The following TMEM19 variants were observed in gnomAD, a reference collection of about 807,000 sequenced individuals.
TMEM19 encodes transmembrane protein 19.
A neutral mutation model predicts 33.6 loss-of-function variants in TMEM19; 21 were observed. That is an observed-to-expected ratio of 0.62 (90% CI 0.44 to 0.90). The LOEUF (loss-of-function observed/expected upper bound fraction) is 0.90. Among genes scored for constraint, TMEM19 ranks in the 40% least tolerant of loss-of-function variants. TMEM19 has a pLI of 0.00. For missense variants in TMEM19, 402 were observed against 401.8 expected (o/e 1.00, Z 0.00); for synonymous variants, 149 against 147.5 (o/e 1.01, Z -0.07).
At position 71,697,308 on chromosome 12, in the gene TMEM19, C is replaced by T. The variant is rs1366782871; in HGVS notation, c.411C>T (p.Phe137=). 1 of 1,599,808 alleles carries T rather than the reference C, an allele frequency of 6.3e-7. No individual in the cohort carries two copies. The change falls in exon 4 of 6, where the codon TTC becomes TTT. Residue 137 remains phenylalanine, a synonymous_variant. Coordinates refer to ENST00000266673, the MANE Select transcript of TMEM19 (RefSeq NM_018279.4). The stretch of plus-strand genomic sequence containing the variant: ...GGCAAAGGAATTGGGTTCAGGTGTT[C>T]TGTAATGGAGCTGTACCCACAGAAC... ...EGGQRNWVQV[F]CNGAVPTELA...
chr12:71,686,268 C>A lies in TMEM19; in HGVS notation c.-413C>A. 2 of 231,388 alleles carry A rather than the reference C, an allele frequency of 8.6e-6. No individual in the cohort carries two copies. Among genetic ancestry groups the A allele is most frequent in the South Asian group, 9.3e-5 (2 of 21,588 alleles). 14.3% of individuals were successfully genotyped at this position (231,388 alleles called of 1,614,324 possible). ...CCCAAGTTCGGGTGCCCTAGCTGCCCCTTTGCAGCCGCTGGCCTACCCGGC... is the reference window on the plus strand; with the variant it reads ...CCCAAGTTCGGGTGCCCTAGCTGCCACTTTGCAGCCGCTGGCCTACCCGGC... On this transcript the variant is annotated 5_prime_UTR_variant, in exon 1 of 6. Coordinates refer to ENST00000266673, the MANE Select transcript of TMEM19 (RefSeq NM_018279.4).
At chr12:71,694,767 G>C (rs1413399216) in intron 2 of TMEM19, among the ~76,000 whole-genome samples, 1 of 152,196 alleles carries the variant, frequency 6.6e-6, no homozygotes, top group Non-Finnish European at 1.5e-5. Context: ...TTTTGGGCTA[G>C]CCAAGTAAAT....
rs907726072 is a variant in TMEM19 at position 71,702,881 on chromosome 12, T to A, written c.*1886T>A. On this transcript the variant is annotated 3_prime_UTR_variant, in exon 6 of 6. Coordinates refer to ENST00000266673, the MANE Select transcript of TMEM19 (RefSeq NM_018279.4). Reference sequence around the variant, plus strand: ...AATGCTTAACCAAATTGAGAAGCACTGAATAAGAATATCCTGGGCCGGGCG... The same window carrying A: ...AATGCTTAACCAAATTGAGAAGCACAGAATAAGAATATCCTGGGCCGGGCG... The A allele has an allele frequency of 6.6e-6, 1 of 152,054 alleles. No homozygotes were observed. The highest frequency in any genetic ancestry group is 2.4e-5 in the African/African-American group (1 of 41,418). The allele number at this position is 152,054 out of a possible 1,614,324, so 9.4% of individuals were successfully genotyped here. A position where few individuals can be genotyped will look rare whatever the true frequency, so the allele number is the denominator to read the frequency against.
chr12:71,698,608 AGAGAGAGAGAG>A (rs1881919421), intron 4 of TMEM19, among the ~76,000 whole-genome samples: 1 of 1,636 alleles, frequency 6.1e-4, no homozygotes, highest in Admixed American at 6.7e-3. Context: ...GTCTCTGAAA[AGAGAGAGAGAG>A]AGAGAGAGAG....
At chr12:71,692,164 G>A (rs556858061) in intron 2 of TMEM19, among the ~76,000 whole-genome samples, 1 of 152,318 alleles carries the variant, frequency 6.6e-6, no homozygotes, top group South Asian at 2.1e-4. Context: ...TTCATTGTTA[G>A]TGATTATGTA....
intron 4 of TMEM19, among the ~76,000 whole-genome samples, chr12:71,698,605 AAAAGAGAGAG>A (rs1260831667): frequency 5.6e-5 from 5 of 90,058 alleles, no homozygotes; most frequent in African/African-American, 2.4e-4. Context: ...CTTGTCTCTG[AAAAGAGAGAG>A]AGAGAGAGAG....
At chr12:71,687,790 A>G (rs1266832197) in intron 1 of TMEM19, among the ~76,000 whole-genome samples, 2 of 152,236 alleles carry the variant, frequency 1.3e-5, no homozygotes, top group Admixed American at 6.5e-5. Flanking sequence ...GCCTCCATTT[A>G]CACAAACTTC....
At position 71,695,988 on chromosome 12, in the gene TMEM19, T is replaced by C. The variant is rs570805318; in HGVS notation, c.245-448T>C. ...AGTAACTATCTCATTGGTTATGATA[T>C]CTGAACTTTGAGCTAAGCAATGGAA... On this transcript the variant is annotated intron_variant, in intron 2 of 5. Coordinates refer to ENST00000266673, the MANE Select transcript of TMEM19 (RefSeq NM_018279.4). Among the ~76,000 whole-genome samples, 225 of 152,264 alleles carry C rather than the reference T, an allele frequency of 1.5e-3. 2 individuals are homozygous for C. The highest frequency in any genetic ancestry group is 5.0e-3 in the African/African-American group (208 of 41,544).
chr12:71,697,726 G>T (rs911592523), intron 4 of TMEM19, among the ~76,000 whole-genome samples, 192 bp downstream of exon 4: 7 of 152,068 alleles, frequency 4.6e-5, no homozygotes, highest in Non-Finnish European at 8.8e-5. Flanking sequence ...AATAATATTT[G>T]CAGGAAATGT....
At chr12:71,695,486 T>C (rs1237439748) in intron 2 of TMEM19, among the ~76,000 whole-genome samples, 1 of 152,224 alleles carries the variant, frequency 6.6e-6, no homozygotes, top group Non-Finnish European at 1.5e-5. Context: ...TCCCCTTCAG[T>C]AGTTGCATAC....
chr12:71,686,150 G>C lies in TMEM19; in HGVS notation c.-531G>C, dbSNP rs996982279. The C allele has an allele frequency of 6.4e-6, 1 of 156,684 alleles. No individual in the cohort carries two copies. The highest frequency in any genetic ancestry group is 3.2e-3 in the Middle Eastern group (1 of 312). The allele number at this position is 156,684 out of a possible 1,614,324, so 9.7% of individuals were successfully genotyped here. ...GCGCGGGCTTTGCTCCTGGGGTCTC[G>C]GCCTTGGCCGGCTGGACCTGACCCT... On this transcript the variant is annotated 5_prime_UTR_variant, in exon 1 of 6. Coordinates refer to ENST00000266673, the MANE Select transcript of TMEM19 (RefSeq NM_018279.4).
chr12:71,691,605 C>CAAAAAAAAAAAA (rs57138830), intron 2 of TMEM19, among the ~76,000 whole-genome samples: 2 of 49,494 alleles, frequency 4.0e-5, no homozygotes, highest in African/African-American at 5.0e-5. Context: ...TTCACCTCTA[C>CAAAAAAAAAAAA]AAAAAAAAAA....
chr12:71,703,317 A>G lies in TMEM19; in HGVS notation c.*2322A>G, dbSNP rs1280368885. 2 of 151,216 alleles carry G rather than the reference A, an allele frequency of 1.3e-5. No homozygotes were observed. The highest frequency in any genetic ancestry group is 2.0e-4 in the East Asian group (1 of 5,098). The allele number at this position is 151,216 out of a possible 1,614,324, so 9.4% of individuals were successfully genotyped here. A position where few individuals can be genotyped will look rare whatever the true frequency, so the allele number is the denominator to read the frequency against. On this transcript the variant is annotated 3_prime_UTR_variant, in exon 6 of 6. Coordinates refer to ENST00000266673, the MANE Select transcript of TMEM19 (RefSeq NM_018279.4). ...AATGGGACTTTTCGGTTTTAGGGAG[A>G]TAACTATTAGCAACCACACAATATG... is the stretch of plus-strand genomic sequence containing the variant.
chr12:71,689,640 TC>T lies in TMEM19; in HGVS notation c.182del (p.Pro61LeufsTer3). 2 of 1,614,210 alleles carry T rather than the reference TC, an allele frequency of 1.2e-6. No individual in the cohort carries two copies. The highest frequency in any genetic ancestry group is 8.5e-7 in the Non-Finnish European group (1 of 1,180,040). ...GGCGTTGGCTGTTTTCTGTTGTTGT[TC>T]CTGTTCTGATCGTCTCTAATGGCCT... ...PWRWLFSVVV[P>X]VLIVSNGLKK... On this transcript the variant is annotated frameshift_variant, in exon 2 of 6. Transcript: ENST00000266673. LOFTEE classifies it high-confidence loss of function.
intron 4 of TMEM19, among the ~76,000 whole-genome samples, chr12:71,698,040 T>A (rs182970923): frequency 6.6e-6 from 1 of 152,358 alleles, no homozygotes; most frequent in East Asian, 1.9e-4. Context: ...TTCGGGATGT[T>A]CAACTGTTAA....
At chr12:71,700,206 C>T (rs915599013) in intron 5 of TMEM19, among the ~76,000 whole-genome samples, 5 of 152,172 alleles carry the variant, frequency 3.3e-5, no homozygotes, top group Non-Finnish European at 5.9e-5. Context: ...GGGTCAATAA[C>T]TCTACACGCA....
At position 71,697,323 on chromosome 12, in the gene TMEM19, A is replaced by G; in HGVS notation, c.426A>G (p.Val142=). The G allele has an allele frequency of 6.2e-7, 1 of 1,608,806 alleles. No individual in the cohort carries two copies. Residue 142 remains valine (V), a synonymous_variant, in exon 4 of 6, where the codon GTA becomes GTG. Transcript: ENST00000266673. ...TTCAGGTGTTCTGTAATGGAGCTGT[A>G]CCCACAGAACTGGCCCTGCTGTACA... The part of the protein sequence containing the change: ...NWVQVFCNGA[V]PTELALLYMI...
At chr12:71,699,360 C>A in intron 5 of TMEM19, 1 of 573,136 alleles carries the variant, frequency 1.7e-6, no homozygotes, top group Non-Finnish European at 3.1e-6. Context: ...AGAGAACAGA[C>A]GTTTTTGTGT....
chr12:71,699,319 T>G (rs1189401210), intron 5 of TMEM19: 1 of 613,756 alleles, frequency 1.6e-6, no homozygotes, highest in Non-Finnish European at 2.9e-6. Flanking sequence ...CAGCAATGAT[T>G]AGAAGCCATG....
Sources: allele counts gnomAD v4.1 joint callset (sites outside exome capture counted in the v4.1 genomes callset), GRCh38; gene constraint gnomAD v4.1.1; transcripts MANE v1.5; gene names NCBI Gene and HGNC (gene_info 2026-07-23, HGNC 2026-07-21).